Variants in ENOX1 observed in about 807,000 individuals in gnomAD.
The protein encoded by ENOX1 is candidate growth-related and time keeping constitutive hydroquinone (NADH) oxidase.
A neutral mutation model predicts 82.5 loss-of-function variants in ENOX1; 42 were observed. The ratio of observed to expected loss-of-function variants is 0.51; its 90% confidence interval spans 0.40 to 0.66. The LOEUF (loss-of-function observed/expected upper bound fraction) is 0.66, where lower values mean the gene tolerates loss of function less well. ENOX1 is among the 30% of genes least tolerant of loss of function. The pLI is 0.00. For synonymous variants in ENOX1, 271 were observed against 282.2 expected (o/e 0.96, Z 0.40); for missense variants, 608 against 811.6 (o/e 0.75, Z 3.05).
intron 1 of ENOX1, among the ~76,000 whole-genome samples, chr13:43,785,922 C>T (rs1158268296): frequency 1.3e-5 from 2 of 152,006 alleles, no homozygotes; most frequent in African/African-American, 4.8e-5. Flanking sequence ...TCCGGAGAGG[C>T]GGGGAGGCGG....
chr13:43,773,757 T>C (rs187602764), intron 1 of ENOX1, among the ~76,000 whole-genome samples: 1 of 152,250 alleles, frequency 6.6e-6, no homozygotes, highest in African/African-American at 2.4e-5. Flanking sequence ...GTTCTGTTTA[T>C]CTGTTTGATG....
intron 12 of ENOX1, among the ~76,000 whole-genome samples, chr13:43,297,558 A>G (rs1313039295): frequency 2.6e-5 from 4 of 152,162 alleles, no homozygotes; most frequent in African/African-American, 7.2e-5. Context: ...ATCAGGTACC[A>G]ATTGACGTTT....
intron 2 of ENOX1, among the ~76,000 whole-genome samples, chr13:43,571,359 G>C (rs937968883): frequency 1.3e-5 from 2 of 152,094 alleles, no homozygotes; most frequent in African/African-American, 4.8e-5. Context: ...GGTGGGAATC[G>C]GGTGCTTAAT....
chr13:43,667,046 AT>A (rs1336331956), intron 2 of ENOX1, among the ~76,000 whole-genome samples: 1 of 152,218 alleles, frequency 6.6e-6, no homozygotes, highest in Non-Finnish European at 1.5e-5. Context: ...ACATGTACTT[AT>A]TTCTAAAGAA....
At chr13:43,403,318 C>T (rs950853699) in intron 5 of ENOX1, among the ~76,000 whole-genome samples, 1 of 152,040 alleles carries the variant, frequency 6.6e-6, no homozygotes, top group Non-Finnish European at 1.5e-5. Context: ...TAATGCTAAG[C>T]AAGTAAATTT....
At chr13:43,479,089 C>T (rs534029129) in intron 3 of ENOX1, among the ~76,000 whole-genome samples, 1 of 151,586 alleles carries the variant, frequency 6.6e-6, no homozygotes, top group Non-Finnish European at 1.5e-5. Flanking sequence ...CCCCATACTC[C>T]GCATGCATAA....
intron 5 of ENOX1, among the ~76,000 whole-genome samples, chr13:43,388,686 C>A (rs868262633): frequency 6.6e-6 from 1 of 152,140 alleles, no homozygotes; most frequent in South Asian, 2.1e-4. Context: ...TAACTGCCCT[C>A]GGGTGGGTAG....
At chr13:43,343,782 C>T (rs770738873) in intron 9 of ENOX1, among the ~76,000 whole-genome samples, 4 of 152,090 alleles carry the variant, frequency 2.6e-5, no homozygotes, top group Admixed American at 1.3e-4. Context: ...ATGGCTTTTA[C>T]CAAGCAAGAG....
chr13:43,550,302 G>A (rs1273726242), intron 2 of ENOX1, among the ~76,000 whole-genome samples: 1 of 152,190 alleles, frequency 6.6e-6, no homozygotes, highest in Non-Finnish European at 1.5e-5. Flanking sequence ...AAACTAATAT[G>A]AGCTGTGTGA....
intron 2 of ENOX1, among the ~76,000 whole-genome samples, chr13:43,643,888 T>C (rs1192235133): frequency 1.3e-5 from 2 of 152,122 alleles, no homozygotes; most frequent in Admixed American, 6.6e-5. Context: ...CAAAATACAG[T>C]AGCTGCTTAT....
intron 5 of ENOX1, among the ~76,000 whole-genome samples, chr13:43,410,862 G>C (rs1594410171): frequency 6.6e-6 from 1 of 152,074 alleles, no homozygotes; most frequent in East Asian, 1.9e-4. Context: ...TTTTTCTTCT[G>C]CCACTGTAAC....
intron 2 of ENOX1, among the ~76,000 whole-genome samples, chr13:43,661,176 A>G (rs551367579): frequency 6.6e-6 from 1 of 152,328 alleles, no homozygotes; most frequent in Non-Finnish European, 1.5e-5. Flanking sequence ...CTCCAACACT[A>G]TTTATGCCAC....
rs528814398 is a variant in ENOX1 at position 43,245,739 on chromosome 13, A to G, written c.1612-9001T>C. ...GTATAAGGGGAGCCTCAGAGGCCCA[A>G]TAGTTTTCAGCATCAGAGAGATAAT... On this transcript the variant is annotated intron_variant, in intron 14 of 16. Coordinates refer to ENST00000690772, the MANE Select transcript of ENOX1 (RefSeq NM_001347969.2). Among the ~76,000 whole-genome samples, 20 of 152,302 alleles carry G rather than the reference A, an allele frequency of 1.3e-4. 2 individuals are homozygous for G. In the South Asian group the frequency reaches 3.3e-3, roughly 25 times the overall value.
chr13:43,338,935 T>G (rs914225315), intron 9 of ENOX1, among the ~76,000 whole-genome samples: 9 of 152,164 alleles, frequency 5.9e-5, no homozygotes, highest in Non-Finnish European at 1.2e-4. Flanking sequence ...TCCGCCCGCC[T>G]TGGCCTCCCA....
intron 1 of ENOX1, among the ~76,000 whole-genome samples, chr13:43,776,824 A>G (rs541303254): frequency 8.4e-5 from 11 of 131,054 alleles, no homozygotes; most frequent in Middle Eastern, 3.9e-3. Context: ...ACAGCTAGGG[A>G]AAAAAAAAAA....
At chr13:43,432,819 C>CT (rs369047576) in intron 3 of ENOX1, among the ~76,000 whole-genome samples, 13 of 151,892 alleles carry the variant, frequency 8.6e-5, no homozygotes, top group African/African-American at 2.7e-4. Flanking sequence ...TTATTTATTT[C>CT]TTTTTTTTAA....
intron 5 of ENOX1, among the ~76,000 whole-genome samples, chr13:43,385,058 C>A (rs1276596786): frequency 1.3e-5 from 2 of 152,130 alleles, no homozygotes; most frequent in Non-Finnish European, 2.9e-5. Context: ...GACTGTGGCA[C>A]TGGGATCTAG....
At chr13:43,410,625 T>TACACACACACACACACACAC (rs60371956) in intron 5 of ENOX1, among the ~76,000 whole-genome samples, 1 of 146,838 alleles carries the variant, frequency 6.8e-6, no homozygotes, top group Admixed American at 6.8e-5. Flanking sequence ...TACACACATG[T>TACACACACACACACACACAC]ACACACACAC....
chr13:43,737,544 C>T (rs1392711971), intron 1 of ENOX1, among the ~76,000 whole-genome samples: 1 of 152,148 alleles, frequency 6.6e-6, no homozygotes, highest in Non-Finnish European at 1.5e-5. Context: ...AGATGGGAAC[C>T]CTTCCTCAGA....
Sources: gnomAD v4.1 joint callset for allele counts (sites outside exome capture counted in the v4.1 genomes callset) on GRCh38, gnomAD v4.1.1 for gene constraint, MANE v1.5 for transcripts, NCBI Gene and HGNC (gene_info 2026-07-23, HGNC 2026-07-21) for gene names.